Variants in LARP1B observed in about 807,000 individuals in gnomAD.
LARP1B encodes the protein La ribonucleoprotein 1B.
Under a neutral mutation model 114.2 loss-of-function variants are expected in LARP1B, and 76 were observed. That is an observed-to-expected ratio of 0.67 (90% confidence interval 0.55 to 0.81). The LOEUF is 0.81. Among genes scored for constraint, LARP1B ranks in the 30% least tolerant of loss-of-function variants. LARP1B has a pLI of 0.00. For synonymous variants in LARP1B, 345 were observed against 348.0 expected (o/e 0.99, Z 0.10); for missense variants, 1,014 against 1,075.8 (o/e 0.94, Z 0.80).
chr4:128,113,944 G>A (rs1432014024), intron 9 of LARP1B, among the ~76,000 whole-genome samples: 3 of 151,910 alleles, frequency 2.0e-5, no homozygotes, highest in Non-Finnish European at 2.9e-5. Context: ...GTGCCACCAC[G>A]CCCGGCTAAT....
Position 128,096,463 on chromosome 4 carries a change from C to T in LARP1B, c.669-1723C>T, listed in dbSNP as rs117122520. ...ACAGTTCATCCATTTACATTTCTCTCGGAAAGGTTAAGTGGGTTTGTGTTT... is the reference window on the plus strand; with the variant it reads ...ACAGTTCATCCATTTACATTTCTCTTGGAAAGGTTAAGTGGGTTTGTGTTT... On this transcript the variant is annotated intron_variant, in intron 7 of 19. Transcript: ENST00000326639. Among the ~76,000 whole-genome samples the T allele has an allele frequency of 6.1e-4, 93 of 152,186 alleles. No individual in the cohort carries two copies. The East Asian group carries it at 0.012, about 19-fold the overall frequency.
At chr4:128,117,411 A>G (rs1161327756) in intron 10 of LARP1B, among the ~76,000 whole-genome samples, 1 of 151,552 alleles carries the variant, frequency 6.6e-6, no homozygotes, top group Non-Finnish European at 1.5e-5. Flanking sequence ...TTTCAGACAG[A>G]ATCTCACTCT....
rs115092248 is a variant in LARP1B at position 128,173,233 on chromosome 4, A to G, written c.1649-3639A>G. 2.7e-3 allele frequency among the ~76,000 whole-genome samples: 413 copies of G among 152,236 alleles called. 3 individuals carry two copies. The highest frequency in any genetic ancestry group is 9.4e-3 in the African/African-American group (392 of 41,544). On this transcript the variant is annotated intron_variant, in intron 12 of 19. Transcript: ENST00000326639. Reference sequence around the variant, plus strand: ...GCTGAAACTAGCCTGCCACGGGCCAATGTGATAACGCTGGTCATTTACATA... The same window carrying G: ...GCTGAAACTAGCCTGCCACGGGCCAGTGTGATAACGCTGGTCATTTACATA...
At chr4:128,167,835 C>G (rs941262598) in intron 12 of LARP1B, among the ~76,000 whole-genome samples, 1 of 151,998 alleles carries the variant, frequency 6.6e-6, no homozygotes, top group African/African-American at 2.4e-5. Flanking sequence ...TTTTCTATCC[C>G]TATAGTTTTG....
intron 5 of LARP1B, among the ~76,000 whole-genome samples, chr4:128,083,471 A>T (rs1350631774): frequency 7.2e-6 from 1 of 139,108 alleles, no homozygotes; most frequent in African/African-American, 2.7e-5. Context: ...TCCCTCCCGG[A>T]CGGAGAGGCT....
At chr4:128,206,096 G>A (rs563205502) in intron 17 of LARP1B, among the ~76,000 whole-genome samples, 10 of 152,236 alleles carry the variant, frequency 6.6e-5, no homozygotes, top group South Asian at 6.2e-4. Flanking sequence ...TTTGAGACCA[G>A]CCTGGCCAAC....
At chr4:128,091,191 A>C in intron 6 of LARP1B, 47 bp downstream of exon 6, 2 of 1,595,174 alleles carry the variant, frequency 1.3e-6, no homozygotes, top group Non-Finnish European at 8.5e-7. Context: ...CTTTGAAAAA[A>C]ATAGAGCAAC....
At chr4:128,155,950 G>T in intron 11 of LARP1B, 1 of 1,529,088 alleles carries the variant, frequency 6.5e-7, no homozygotes, top group South Asian at 1.2e-5. Flanking sequence ...CGGTACCAGC[G>T]GCACCAGCAG....
intron 5 of LARP1B, among the ~76,000 whole-genome samples, chr4:128,083,383 G>A (rs1771450998): frequency 6.6e-6 from 1 of 151,786 alleles, no homozygotes; most frequent in Non-Finnish European, 1.5e-5. Context: ...TCACCTCCCA[G>A]TAGGGGCGGC....
chr4:128,206,073 C>T (rs1757504502), intron 17 of LARP1B, among the ~76,000 whole-genome samples: 1 of 152,146 alleles, frequency 6.6e-6, no homozygotes, highest in Non-Finnish European at 1.5e-5. Flanking sequence ...GATGGATCCC[C>T]TGAGGCCAGG....
chr4:128,091,172 T>A, intron 6 of LARP1B, 28 bp downstream of exon 6: 1 of 1,599,594 alleles, frequency 6.3e-7, no homozygotes, highest in Non-Finnish European at 8.5e-7. Flanking sequence ...TTTCGTTAAA[T>A]TAGATAAACT....
chr4:128,183,031 A>T (rs955008732), intron 15 of LARP1B, among the ~76,000 whole-genome samples: 2 of 152,184 alleles, frequency 1.3e-5, no homozygotes, highest in Non-Finnish European at 2.9e-5. Flanking sequence ...TTGGTTAATG[A>T]GGTTTAAGAA....
At position 128,164,251 on chromosome 4, in the gene LARP1B, C is replaced by G. The variant is rs1377227542; in HGVS notation, c.1648+1934C>G. Among the ~76,000 whole-genome samples, 3 of 151,952 alleles carry G rather than the reference C, an allele frequency of 2.0e-5. No homozygotes were observed. In the East Asian group the frequency reaches 5.8e-4, roughly 29 times the overall value. On this transcript the variant is annotated intron_variant, in intron 12 of 19. Transcript: ENST00000326639. ...GTAACTTCTTTTAGAGTTCTTTAAA[C>G]TGTAAACTTTTAAAAACTTCATACT...
At chr4:128,165,150 C>G (rs1740216930) in intron 12 of LARP1B, among the ~76,000 whole-genome samples, 1 of 151,640 alleles carries the variant, frequency 6.6e-6, no homozygotes, top group Admixed American at 6.6e-5. Flanking sequence ...TTAATTTACT[C>G]CTGAGGGTGG....
intron 7 of LARP1B, among the ~76,000 whole-genome samples, chr4:128,092,493 T>C: frequency 6.6e-6 from 1 of 152,226 alleles, no homozygotes; most frequent in Non-Finnish European, 1.5e-5. Context: ...AGTATGTTTT[T>C]ATAGAGGCAA....
intron 15 of LARP1B, among the ~76,000 whole-genome samples, chr4:128,194,691 A>G (rs1389678061): frequency 1.4e-5 from 2 of 147,668 alleles, no homozygotes; most frequent in Non-Finnish European, 3.0e-5. Context: ...TCAAAAAAAA[A>G]AAAAAAAAAA....
At chr4:128,106,987 C>G in intron 8 of LARP1B, 152 bp from the exon 9 acceptor site, 2 of 606,268 alleles carry the variant, frequency 3.3e-6, no homozygotes, top group Non-Finnish European at 2.9e-6. Flanking sequence ...GATTTTAAAA[C>G]TTGTGTTCTA....
chr4:128,190,739 C>T (rs1401830850), intron 15 of LARP1B, among the ~76,000 whole-genome samples: 1 of 152,192 alleles, frequency 6.6e-6, no homozygotes, highest in African/African-American at 2.4e-5. Context: ...GTCAATTAAA[C>T]CACTTTCCCT....
chr4:128,079,092 C>CTTT (rs75874776), intron 4 of LARP1B, among the ~76,000 whole-genome samples: 2 of 142,282 alleles, frequency 1.4e-5, no homozygotes, highest in Non-Finnish European at 3.0e-5. Flanking sequence ...AATAGTTTGT[C>CTTT]TTTTTTTTTT....
Sources: allele counts gnomAD v4.1 joint callset (sites outside exome capture counted in the v4.1 genomes callset), GRCh38; gene constraint gnomAD v4.1.1; transcripts MANE v1.5; gene names NCBI Gene and HGNC (gene_info 2026-07-23, HGNC 2026-07-21).